The following ROBO1 variants were observed in gnomAD, a reference collection of about 807,000 sequenced individuals.
ROBO1 encodes roundabout guidance receptor 1.
Under a neutral mutation model 195.9 loss-of-function variants are expected in ROBO1, and 149 were observed. That is an observed-to-expected ratio of 0.76 (90% CI 0.67 to 0.87). ROBO1 has a LOEUF of 0.87. Among genes scored for constraint, ROBO1 ranks in the 40% least tolerant of loss-of-function variants. The pLI, the probability that ROBO1 is intolerant of heterozygous loss-of-function variation, is 0.00. For missense variants in ROBO1, 1,933 were observed against 2,068.3 expected (o/e 0.93, Z 1.27); for synonymous variants, 816 against 733.2 (o/e 1.11, Z -1.82).
rs951113582 is a variant in ROBO1, at chr3:78,809,532, C to T, written c.500-62632G>A. On this transcript the variant is annotated intron_variant, in intron 4 of 30. Transcript: ENST00000464233. ...TATAAATCATTCTACTATAAAGACACATGCACAAATATGTTTATTGAAGCA... is the reference window on the plus strand; with the variant it reads ...TATAAATCATTCTACTATAAAGACATATGCACAAATATGTTTATTGAAGCA... Among the ~76,000 whole-genome samples the T allele has an allele frequency of 2.3e-4, 35 of 152,300 alleles. 1 individual carries two copies. Among genetic ancestry groups the T allele is most frequent in the Admixed American group, 2.1e-3 (32 of 15,300 alleles).
intron 2 of ROBO1, among the ~76,000 whole-genome samples, chr3:79,197,880 T>C (rs1369084534): frequency 7.1e-6 from 1 of 140,154 alleles, no homozygotes; most frequent in African/African-American, 3.0e-5. Flanking sequence ...ATTTTTTTGA[T>C]GGGTTTTTTT....
At chr3:79,673,226 C>A (rs1321890905) in intron 1 of ROBO1, among the ~76,000 whole-genome samples, 2 of 151,872 alleles carry the variant, frequency 1.3e-5, no homozygotes, top group Non-Finnish European at 2.9e-5. Flanking sequence ...GCAGATTTAA[C>A]AATTAGTGAT....
At chr3:78,615,532 C>T (rs2107370801) in intron 27 of ROBO1, among the ~76,000 whole-genome samples, 1 of 152,264 alleles carries the variant, frequency 6.6e-6, no homozygotes, top group Non-Finnish European at 1.5e-5. Context: ...TGGCGTATTT[C>T]AAAGCTCCCA....
At chr3:78,681,909 G>A (rs961947853) in intron 10 of ROBO1, among the ~76,000 whole-genome samples, 2 of 152,102 alleles carry the variant, frequency 1.3e-5, no homozygotes, top group African/African-American at 4.8e-5. Context: ...AAAAGACGGA[G>A]AAGCATGGCA....
At position 79,588,536 on chromosome 3, in the gene ROBO1, A is replaced by G. The variant is rs1166591609; in HGVS notation, c.88+1288T>C. ...GTGTCTATCTATAGTTGTAGTTTTA[A>G]AAACACTTTCATATAAGTATCCTCT... On this transcript the variant is annotated intron_variant, in intron 2 of 30. Transcript: ENST00000464233. 3.3e-5 allele frequency among the ~76,000 whole-genome samples: 5 copies of G among 151,830 alleles called. No individual in the cohort carries two copies. In the East Asian group the frequency reaches 9.7e-4, roughly 29 times the overall value.
intron 29 of ROBO1, among the ~76,000 whole-genome samples, chr3:78,604,798 T>C (rs934810470): frequency 7.9e-5 from 12 of 152,208 alleles, no homozygotes; most frequent in African/African-American, 2.7e-4. Flanking sequence ...TCTATTAAAA[T>C]ACAGTAGTTA....
In ROBO1 at chr3:78,639,865, C is replaced by T. The variant is rs376608893; in HGVS notation, c.2916G>A (p.Ala972=). ...GCCACGTGTCTGCCAGCCATGGCTG[C>T]GCGGCAGGTTCACTGATGTTGAGAA... ...PGLLNISEPA[A]QPWLADTWPN... Residue 972 remains alanine (A), a synonymous_variant, in exon 22 of 31, where the codon GCG becomes GCA. Transcript: ENST00000464233. The T allele has an allele frequency of 9.0e-5, 144 of 1,607,610 alleles. No individual in the cohort carries two copies. In the African/African-American group the frequency reaches 1.3e-3, roughly 14 times the overall value.
intron 3 of ROBO1, among the ~76,000 whole-genome samples, chr3:79,006,757 G>GAA (rs11345487): frequency 3.0e-4 from 35 of 115,234 alleles, no homozygotes; most frequent in African/African-American, 1.0e-3. Flanking sequence ...CAAAATATCG[G>GAA]AAAAAAAAAA....
In ROBO1 at chr3:78,850,807, CT is replaced by C. The variant is rs112628157; in HGVS notation, c.499+87793del. Among the ~76,000 whole-genome samples the C allele has an allele frequency of 1.9e-4, 28 of 148,882 alleles. No homozygotes were observed. The South Asian group carries it at 3.9e-3, about 21-fold the overall frequency. ...TTCTTTTCTTTGTTTCTTTTCTTTT[CT>C]TTTTTTTTTCTTTTTGAGATGGTGT... On this transcript the variant is annotated intron_variant, in intron 4 of 30. Transcript: ENST00000464233.
intron 26 of ROBO1, among the ~76,000 whole-genome samples, chr3:78,622,204 AC>A (rs1489525097): frequency 4.6e-5 from 7 of 152,312 alleles, no homozygotes; most frequent in African/African-American, 1.7e-4. Context: ...AAAATGGAAT[AC>A]CCTAGAAGTT....
chr3:79,099,446 G>T (rs936722956), intron 3 of ROBO1, among the ~76,000 whole-genome samples: 1 of 151,724 alleles, frequency 6.6e-6, no homozygotes, highest in African/African-American at 2.4e-5. Flanking sequence ...GAGCAAGTCA[G>T]GTCAAGCCTC....
At chr3:79,627,351 T>C (rs1265144287) in intron 1 of ROBO1, among the ~76,000 whole-genome samples, 1 of 152,116 alleles carries the variant, frequency 6.6e-6, no homozygotes, top group Non-Finnish European at 1.5e-5. Context: ...ACACCATGTA[T>C]CTACAACCAT....
At chr3:79,364,225 A>T (rs978586544) in intron 2 of ROBO1, among the ~76,000 whole-genome samples, 4 of 106,772 alleles carry the variant, frequency 3.7e-5, no homozygotes, top group Admixed American at 1.8e-4. Flanking sequence ...AAACTATATA[A>T]ATGTGTGTGT....
chr3:79,720,049 A>G (rs1395382133), intron 1 of ROBO1, among the ~76,000 whole-genome samples: 1 of 152,218 alleles, frequency 6.6e-6, no homozygotes, highest in African/African-American at 2.4e-5. Context: ...AAAGTTTTAA[A>G]AATAGTTTTT....
chr3:79,244,821 A>G (rs534456615), intron 2 of ROBO1, among the ~76,000 whole-genome samples: 11 of 152,088 alleles, frequency 7.2e-5, no homozygotes, highest in Non-Finnish European at 1.6e-4. Flanking sequence ...AGTGTTCAAG[A>G]TAATGCATTA....
intron 1 of ROBO1, among the ~76,000 whole-genome samples, chr3:79,592,450 AAATCAGAAATTATG>A (rs1478446660): frequency 6.6e-6 from 1 of 152,044 alleles, no homozygotes; most frequent in Non-Finnish European, 1.5e-5. Context: ...TAGTACCCAG[AAATCAGAAATTATG>A]AATCAGAAAT....
At chr3:78,990,975 G>A (rs2077223785) in intron 3 of ROBO1, among the ~76,000 whole-genome samples, 1 of 152,144 alleles carries the variant, frequency 6.6e-6, no homozygotes, top group African/African-American at 2.4e-5. Context: ...TCAGTCTGTG[G>A]TTGTTCCATT....
chr3:79,695,441 C>T (rs908008370), intron 1 of ROBO1, among the ~76,000 whole-genome samples: 1 of 151,516 alleles, frequency 6.6e-6, no homozygotes, highest in Non-Finnish European at 1.5e-5. Context: ...TTTAATTACA[C>T]TAATCCAATA....
intron 2 of ROBO1, among the ~76,000 whole-genome samples, chr3:79,271,754 T>A (rs2030579121): frequency 6.6e-6 from 1 of 152,092 alleles, no homozygotes; most frequent in Non-Finnish European, 1.5e-5. Context: ...CTAAGGTTTA[T>A]ATAAGATTCC....
Sources: allele counts gnomAD v4.1 joint callset (sites outside exome capture counted in the v4.1 genomes callset), GRCh38; gene constraint gnomAD v4.1.1; transcripts MANE v1.5; gene names NCBI Gene and HGNC (gene_info 2026-07-23, HGNC 2026-07-21).